RIT2: variants seen among roughly 807,000 people sequenced by gnomAD.
The protein encoded by RIT2 is Ras like without CAAX 2.
RIT2 carries 24 observed loss-of-function variants against 23.7 expected under a neutral mutation model. The ratio of observed to expected loss-of-function variants is 1.01; its 90% CI spans 0.73 to 1.43. The LOEUF (loss-of-function observed/expected upper bound fraction) is 1.43. Among genes scored for constraint, RIT2 ranks in the 40% most tolerant of loss-of-function variants. The pLI is 0.00. For missense variants in RIT2, 236 were observed against 266.9 expected, an observed-to-expected ratio of 0.88 and a Z score of 0.81; for synonymous variants, 107 against 91.1, an observed-to-expected ratio of 1.17 and a Z score of -0.99.
intron 4 of RIT2, among the ~76,000 whole-genome samples, chr18:42,807,516 C>T (rs944529198): frequency 3.3e-5 from 5 of 151,930 alleles, no homozygotes; most frequent in African/African-American, 9.7e-5. Flanking sequence ...ACTGAGGAGG[C>T]GAAGGGAGGA....
intron 3 of RIT2, among the ~76,000 whole-genome samples, chr18:42,933,801 C>T (rs889231526): frequency 6.6e-6 from 1 of 151,938 alleles, no homozygotes; most frequent in Non-Finnish European, 1.5e-5. Flanking sequence ...AGGCAGAACA[C>T]AAGGTCAGGA....
chr18:42,793,061 C>CAA (rs140819429), intron 4 of RIT2, among the ~76,000 whole-genome samples: 155 of 148,780 alleles, frequency 1.0e-3, no homozygotes, highest in Middle Eastern at 3.4e-3. Flanking sequence ...CTAGAGCCCT[C>CAA]AAAAAAAAAA....
intron 1 of RIT2, among the ~76,000 whole-genome samples, chr18:43,103,480 A>G (rs1448001727): frequency 6.6e-6 from 1 of 152,376 alleles, no homozygotes; most frequent in East Asian, 1.9e-4. Context: ...CACAAGCCAG[A>G]TGCTCAAAGA....
chr18:43,063,420 T>A (rs1912698242), intron 1 of RIT2, among the ~76,000 whole-genome samples: 1 of 152,156 alleles, frequency 6.6e-6, no homozygotes, highest in South Asian at 2.1e-4. Flanking sequence ...TGCAGGAATA[T>A]AAACCCAATA....
At chr18:42,817,956 T>A (rs1906043793) in intron 4 of RIT2, among the ~76,000 whole-genome samples, 1 of 151,948 alleles carries the variant, frequency 6.6e-6, no homozygotes, top group South Asian at 2.1e-4. Flanking sequence ...TATTTTCTGT[T>A]AATAATAATA....
chr18:42,848,188 G>A (rs1273095727), intron 4 of RIT2, among the ~76,000 whole-genome samples: 1 of 152,048 alleles, frequency 6.6e-6, no homozygotes, highest in East Asian at 1.9e-4. Context: ...AATGCTGAAA[G>A]GCAATTCTCG....
intron 3 of RIT2, among the ~76,000 whole-genome samples, chr18:42,959,411 T>C (rs925814796): frequency 6.6e-6 from 1 of 152,226 alleles, no homozygotes; most frequent in Non-Finnish European, 1.5e-5. Context: ...GTTTAACAAG[T>C]ACTATACTAT....
At chr18:43,095,422 T>A (rs995542625) in intron 1 of RIT2, among the ~76,000 whole-genome samples, 2 of 151,822 alleles carry the variant, frequency 1.3e-5, no homozygotes, top group African/African-American at 4.8e-5. Context: ...AAATGACGAG[T>A]TGATGGATGC....
chr18:42,857,210 A>G (rs1051274129), intron 4 of RIT2, among the ~76,000 whole-genome samples: 6 of 152,176 alleles, frequency 3.9e-5, no homozygotes, highest in African/African-American at 1.4e-4. Context: ...CCCACAAACT[A>G]CAAGGTCACG....
At chr18:42,947,027 C>T (rs1208607432) in intron 3 of RIT2, among the ~76,000 whole-genome samples, 1 of 152,070 alleles carries the variant, frequency 6.6e-6, no homozygotes, top group Admixed American at 6.6e-5. Flanking sequence ...TTTCTTTTTA[C>T]ATAACTTAGA....
At chr18:42,901,965 C>A (rs1908487482) in intron 4 of RIT2, among the ~76,000 whole-genome samples, 1 of 151,732 alleles carries the variant, frequency 6.6e-6, no homozygotes, top group African/African-American at 2.4e-5. Context: ...AATGAAGATG[C>A]AGATATAGAA....
chr18:42,875,963 T>C (rs1279170545), intron 4 of RIT2, among the ~76,000 whole-genome samples: 1 of 152,032 alleles, frequency 6.6e-6, no homozygotes, highest in Non-Finnish European at 1.5e-5. Flanking sequence ...GTGAAGGAGA[T>C]AGTTTGGAAA....
chr18:43,059,521 C>G (rs1415622399), intron 1 of RIT2, among the ~76,000 whole-genome samples: 1 of 152,110 alleles, frequency 6.6e-6, no homozygotes, highest in Non-Finnish European at 1.5e-5. Flanking sequence ...AGAAACAGGA[C>G]AGCAAACAGA....
At chr18:42,819,461 G>T (rs1906089154) in intron 4 of RIT2, among the ~76,000 whole-genome samples, 1 of 151,950 alleles carries the variant, frequency 6.6e-6, no homozygotes, top group South Asian at 2.1e-4. Flanking sequence ...TGTTGTTGTT[G>T]TTGTTGTTTT....
At chr18:42,927,202 T>C (rs1025818891) in intron 3 of RIT2, among the ~76,000 whole-genome samples, 1 of 152,000 alleles carries the variant, frequency 6.6e-6, no homozygotes, top group African/African-American at 2.4e-5. Context: ...TTATGTAAGC[T>C]TAATCAGAAA....
chr18:42,770,669 A>G lies in RIT2; in HGVS notation c.427-26949T>C, dbSNP rs533748299. Among the ~76,000 whole-genome samples, 3 of 152,342 alleles carry G rather than the reference A, an allele frequency of 2.0e-5. No individual in the cohort carries two copies. The East Asian group carries it at 5.8e-4, about 29-fold the overall frequency. The stretch of plus-strand genomic sequence containing the variant: ...GATAGAGATATTGTTATTTGGCAAT[A>G]TTAAATTTTCTACTTTTGCATGCCA... On this transcript the variant is annotated intron_variant, in intron 4 of 4. Coordinates refer to ENST00000326695, the MANE Select transcript of RIT2 (RefSeq NM_002930.4).
At chr18:42,956,574 T>C (rs1161507815) in intron 3 of RIT2, among the ~76,000 whole-genome samples, 2 of 152,168 alleles carry the variant, frequency 1.3e-5, no homozygotes, top group East Asian at 3.9e-4. Context: ...TTAAGTCTAA[T>C]GACCTAATGA....
At chr18:42,774,204 A>G (rs1598648396) in intron 4 of RIT2, among the ~76,000 whole-genome samples, 1 of 152,308 alleles carries the variant, frequency 6.6e-6, no homozygotes, top group Non-Finnish European at 1.5e-5. Flanking sequence ...CAAGACTAGT[A>G]TTATTTTAAT....
At chr18:42,838,256 C>A (rs1906670649) in intron 4 of RIT2, among the ~76,000 whole-genome samples, 1 of 152,012 alleles carries the variant, frequency 6.6e-6, no homozygotes, top group African/African-American at 2.4e-5. Context: ...TTCTTCTCCG[C>A]AAGAAAGAGT....
Sources: allele counts gnomAD v4.1 joint callset (sites outside exome capture counted in the v4.1 genomes callset), GRCh38; gene constraint gnomAD v4.1.1; transcripts MANE v1.5; gene names NCBI Gene and HGNC (gene_info 2026-07-23, HGNC 2026-07-21).